The following LINGO2 variants were observed in gnomAD, a reference collection of about 807,000 sequenced individuals.
LINGO2 encodes leucine-rich repeat and immunoglobulin-like domain-containing nogo receptor-interacting protein 2.
Under a neutral mutation model 30.6 loss-of-function variants are expected in LINGO2, and 14 were observed. The observed-to-expected ratio is 0.46, with a 90% CI of 0.30 to 0.72. The LOEUF (loss-of-function observed/expected upper bound fraction) is 0.72. Among genes scored for constraint, LINGO2 ranks in the 30% least tolerant of loss-of-function variants. The pLI is 0.07. For synonymous variants in LINGO2, 317 were observed against 288.5 expected, an observed-to-expected ratio of 1.10 and a Z score of -1.00; for missense variants, 729 against 751.7, an observed-to-expected ratio of 0.97 and a Z score of 0.35.
intron 2 of LINGO2, among the ~76,000 whole-genome samples, chr9:28,383,267 T>C (rs1212493385): frequency 1.3e-5 from 2 of 151,606 alleles, no homozygotes; most frequent in African/African-American, 4.8e-5. Context: ...TGTGTGTGTG[T>C]GTGTGTGTGT....
At chr9:29,179,479 A>T in the LINGO2 span, among the ~76,000 whole-genome samples, 1 of 151,988 alleles carries the variant, frequency 6.6e-6, no homozygotes. Flanking sequence ...ATCTCGGCTC[A>T]CTGCAACCTC....
chr9:28,789,659 A>G, the LINGO2 span, among the ~76,000 whole-genome samples: 1 of 152,310 alleles, frequency 6.6e-6, no homozygotes, highest in South Asian at 2.1e-4. Context: ...AAAGTTATTG[A>G]GGAAAATAAA....
At position 28,405,721 on chromosome 9, in the gene LINGO2, C is replaced by T. The variant is rs141421934; in HGVS notation, c.-278-32853G>A. 1.2e-4 allele frequency among the ~76,000 whole-genome samples: 19 copies of T among 152,248 alleles called. 2 individuals carry two copies. The highest frequency in any genetic ancestry group is 4.3e-4 in the African/African-American group (18 of 41,552). The stretch of plus-strand genomic sequence containing the variant: ...GTGGTTGTTTTTAGAATAAGACAAA[C>T]TTCTCTTTCTATCAAGTTTCCAGAC... On this transcript the variant is annotated intron_variant, in intron 2 of 5. Coordinates refer to ENST00000379992, the Ensembl canonical transcript of LINGO2.
intron 4 of LINGO2, among the ~76,000 whole-genome samples, chr9:28,203,467 T>C (rs1459782381): frequency 2.6e-5 from 4 of 152,076 alleles, no homozygotes; most frequent in Admixed American, 2.0e-4. Flanking sequence ...GAAGGAGGAA[T>C]AGGTAGTGAG....
the LINGO2 span, among the ~76,000 whole-genome samples, chr9:29,117,185 G>A: frequency 6.6e-6 from 1 of 152,126 alleles, no homozygotes; most frequent in African/African-American, 2.4e-5. Context: ...GATTGTTGAG[G>A]TTGTGCTCTC....
At chr9:28,652,373 T>C (rs766479602) in intron 1 of LINGO2, among the ~76,000 whole-genome samples, 1 of 152,178 alleles carries the variant, frequency 6.6e-6, no homozygotes, top group Non-Finnish European at 1.5e-5. Flanking sequence ...AAAAGAAGCT[T>C]GATACTGCTT....
rs1564250723 is a variant in LINGO2, at chr9:28,506,483, CACAT to C, written c.-364-30462_-364-30459del. Among the ~76,000 whole-genome samples, 53 of 24,004 alleles carry C rather than the reference CACAT, an allele frequency of 2.2e-3. 12 individuals carry two copies. The highest frequency in any genetic ancestry group is 5.8e-3 in the Admixed American group (12 of 2,072). The allele number at this position is 24,004 out of a possible 152,430, so 15.7% of individuals were successfully genotyped here. A position where few individuals can be genotyped will look rare whatever the true frequency, so the allele number is the denominator to read the frequency against. ...ACACATACACACACACACACACATA[CACAT>C]ACACACACACACACAGACATATATA... On this transcript the variant is annotated intron_variant, in intron 1 of 5. Coordinates refer to ENST00000379992, the Ensembl canonical transcript of LINGO2.
At chr9:28,552,644 AT>A (rs1018381142) in intron 1 of LINGO2, among the ~76,000 whole-genome samples, 2,959 of 140,478 alleles carry the variant, frequency 0.021, 55 homozygotes, top group African/African-American at 0.051. Context: ...ACTTTTTATG[AT>A]TTTTTTTTTT....
At chr9:28,353,660 C>A (rs1288407711) in intron 3 of LINGO2, among the ~76,000 whole-genome samples, 3 of 152,114 alleles carry the variant, frequency 2.0e-5, no homozygotes, top group African/African-American at 7.2e-5. Context: ...TGGATATATA[C>A]CCAGAGGACT....
chr9:28,670,986 A>G (rs1828986416), upstream of LINGO2, among the ~76,000 whole-genome samples: 1 of 152,174 alleles, frequency 6.6e-6, no homozygotes, highest in African/African-American at 2.4e-5. Flanking sequence ...AACTTTTCAA[A>G]AAAGCATTAT....
intron 4 of LINGO2, among the ~76,000 whole-genome samples, chr9:28,212,091 G>T (rs13297856): frequency 0.1 from 15,386 of 151,338 alleles, 867 homozygotes; most frequent in Middle Eastern, 0.15. Flanking sequence ...TTTTGGATTA[G>T]CTGAGTAAAA....
At chr9:28,592,225 A>G (rs1824947441) in intron 1 of LINGO2, among the ~76,000 whole-genome samples, 1 of 152,116 alleles carries the variant, frequency 6.6e-6, no homozygotes, top group African/African-American at 2.4e-5. Flanking sequence ...GGAGTATTAA[A>G]AAGGTACTAT....
the LINGO2 span, among the ~76,000 whole-genome samples, chr9:29,138,990 A>C: frequency 1.3e-5 from 2 of 152,104 alleles, no homozygotes; most frequent in African/African-American, 4.8e-5. Context: ...TTCCGGGATT[A>C]AGTTACTAAA....
At chr9:28,023,628 G>GA (rs1399508622) in intron 4 of LINGO2, among the ~76,000 whole-genome samples, 3 of 152,208 alleles carry the variant, frequency 2.0e-5, no homozygotes, top group Non-Finnish European at 4.4e-5. Flanking sequence ...AGAGGATGCT[G>GA]AAGTCAGAGA....
the LINGO2 span, among the ~76,000 whole-genome samples, chr9:28,857,952 C>T: frequency 5.3e-5 from 8 of 151,522 alleles, no homozygotes; most frequent in South Asian, 6.2e-4. Flanking sequence ...ATTTAGATAT[C>T]GTATGCGGCC....
intron 2 of LINGO2, among the ~76,000 whole-genome samples, chr9:28,457,154 G>A (rs1824883868): frequency 6.6e-6 from 1 of 152,122 alleles, no homozygotes; most frequent in Admixed American, 6.6e-5. Context: ...GAGAGATTCA[G>A]GAGAAACCTT....
the LINGO2 span, among the ~76,000 whole-genome samples, chr9:28,975,286 C>T: frequency 6.6e-6 from 1 of 152,024 alleles, no homozygotes; most frequent in Non-Finnish European, 1.5e-5. Context: ...AGACAATGAA[C>T]CTAATTAGTA....
intron 5 of LINGO2, among the ~76,000 whole-genome samples, chr9:27,993,740 G>A (rs1032102809): frequency 2.6e-5 from 4 of 151,972 alleles, no homozygotes; most frequent in Non-Finnish European, 5.9e-5. Context: ...CTGAAAGAAA[G>A]GTAATCTTAC....
In LINGO2 at chr9:28,600,450, C is replaced by G. The variant is rs576956896; in HGVS notation, c.-365+69750G>C. Among the ~76,000 whole-genome samples, 25 of 152,090 alleles carry G rather than the reference C, an allele frequency of 1.6e-4. No homozygotes were observed. The South Asian group carries it at 5.0e-3, about 30-fold the overall frequency. On this transcript the variant is annotated intron_variant, in intron 1 of 5. Transcript: ENST00000379992. Reference sequence around the variant, plus strand: ...ATACTCTTTTCCTAGAAAAAGGAAGCAATGTGTTTATAATACCAAAAATGT... The same window carrying G: ...ATACTCTTTTCCTAGAAAAAGGAAGGAATGTGTTTATAATACCAAAAATGT...
Sources: allele counts gnomAD v4.1 joint callset (sites outside exome capture counted in the v4.1 genomes callset), GRCh38; gene constraint gnomAD v4.1.1; transcripts MANE v1.5; gene names NCBI Gene and HGNC (gene_info 2026-07-23, HGNC 2026-07-21).